PTPN4: variants seen among roughly 807,000 people sequenced by gnomAD.
PTPN4 encodes the protein tyrosine-protein phosphatase non-receptor type 4.
PTPN4 carries 49 observed loss-of-function variants against 135.5 expected under a neutral mutation model. The ratio of observed to expected loss-of-function variants is 0.36; its 90% CI spans 0.29 to 0.46. PTPN4 has a LOEUF of 0.46. Ranked by LOEUF, PTPN4 falls within the 20% of genes least tolerant of loss-of-function variation. The pLI is 1.00. For synonymous variants in PTPN4, 333 were observed against 369.9 expected (o/e 0.90, Z 1.14); for missense variants, 860 against 1,101.0 (o/e 0.78, Z 3.10).
At chr2:119,943,803 A>G (rs958814422) in intron 15 of PTPN4, among the ~76,000 whole-genome samples, 2 of 151,602 alleles carry the variant, frequency 1.3e-5, no homozygotes, top group Admixed American at 6.6e-5. Flanking sequence ...TAGCCAGGAT[A>G]GGATGGTCTC....
intron 25 of PTPN4, among the ~76,000 whole-genome samples, chr2:119,966,309 A>C (rs1017828312): frequency 3.9e-5 from 6 of 151,910 alleles, no homozygotes; most frequent in African/African-American, 1.5e-4. Context: ...CACAGGCTGG[A>C]GTGCAATGGC....
chr2:119,760,401 TCCCCGCCGGCCTCTCGGC>T lies in PTPN4; in HGVS notation c.-18+20_-18+37del, dbSNP rs1690460162. 2.6e-6 allele frequency: 1 copy of T among 387,578 alleles called. No homozygotes were observed. The highest frequency in any genetic ancestry group is 4.6e-6 in the Non-Finnish European group (1 of 219,320). The allele number at this position is 387,578 out of a possible 1,614,324, so 24.0% of individuals were successfully genotyped here. ...TATACGAAGGTAAGAGGTTCTCCGG[TCCCCGCCGGCCTCTCGGC>T]CCTGCACGTTGAACGGGAGGCTCTT... On this transcript the variant is annotated intron_variant, in intron 1 of 26. Transcript: ENST00000263708.
chr2:119,886,702 A>C (rs376840594), intron 9 of PTPN4, among the ~76,000 whole-genome samples: 2 of 152,242 alleles, frequency 1.3e-5, no homozygotes, highest in Admixed American at 6.5e-5. Flanking sequence ...ATTTTCAATC[A>C]TGTTAATACT....
chr2:119,984,890 G>A lies in PTPN4; in HGVS notation c.*7820G>A, dbSNP rs1435025488. 6.6e-6 allele frequency among the ~76,000 whole-genome samples: 1 copy of A among 152,196 alleles called. No individual in the cohort carries two copies. Among genetic ancestry groups the A allele is most frequent in the Non-Finnish European group, 1.5e-5 (1 of 68,034 alleles). On this transcript the variant is annotated 3_prime_UTR_variant, in exon 27 of 27. Transcript: ENST00000263708. ...AATTGCAAAATAAAGATGTGCTTTA[G>A]TAATCTAAAGTACAGAAGTTTTGAA...
At chr2:119,817,345 T>TA in intron 2 of PTPN4, among the ~76,000 whole-genome samples, 1 of 151,756 alleles carries the variant, frequency 6.6e-6, no homozygotes, top group African/African-American at 2.4e-5. Context: ...TTTTTTTTTT[T>TA]AATACTTTAA....
chr2:119,891,920 G>A, intron 9 of PTPN4, among the ~76,000 whole-genome samples: 1 of 152,146 alleles, frequency 6.6e-6, no homozygotes, highest in African/African-American at 2.4e-5. Flanking sequence ...ATTTGAATTT[G>A]CTTTTGTAGG....
chr2:119,881,331 A>T (rs1477191173), intron 5 of PTPN4, among the ~76,000 whole-genome samples: 1 of 152,206 alleles, frequency 6.6e-6, no homozygotes, highest in Non-Finnish European at 1.5e-5. Flanking sequence ...CCATCTGATG[A>T]TAAAATGATC....
chr2:119,932,260 G>T, intron 13 of PTPN4, 164 bp from the exon 14 acceptor site: 1 of 566,106 alleles, frequency 1.8e-6, no homozygotes, highest in Non-Finnish European at 2.9e-6. Context: ...ACATTCTTAG[G>T]AAGTTATTTG....
In PTPN4 at chr2:119,864,803, C is replaced by T. The variant is rs1049342940; in HGVS notation, c.246+2160C>T. On this transcript the variant is annotated intron_variant, in intron 3 of 26. Transcript: ENST00000263708. Reference sequence around the variant, plus strand: ...GCTAGATTGATCTTTTTGCTGTCTCCTACTTTTTCTTTCTTTGTCTTTCTG... The same window carrying T: ...GCTAGATTGATCTTTTTGCTGTCTCTTACTTTTTCTTTCTTTGTCTTTCTG... Among the ~76,000 whole-genome samples the T allele has an allele frequency of 3.9e-5, 6 of 152,094 alleles. No homozygotes were observed. In the East Asian group the frequency reaches 1.2e-3, roughly 29 times the overall value.
At chr2:119,924,555 G>A (rs897807427) in intron 12 of PTPN4, among the ~76,000 whole-genome samples, 2 of 151,968 alleles carry the variant, frequency 1.3e-5, no homozygotes, top group Non-Finnish European at 2.9e-5. Flanking sequence ...GAGAGAGAAA[G>A]AGAGAGAACT....
At chr2:119,838,115 A>C (rs1414362531) in intron 2 of PTPN4, among the ~76,000 whole-genome samples, 1 of 152,258 alleles carries the variant, frequency 6.6e-6, no homozygotes, top group Admixed American at 6.5e-5. Context: ...TTCAAAGGGA[A>C]AATGTGAACA....
At chr2:119,850,342 A>T (rs1245364179) in intron 2 of PTPN4, among the ~76,000 whole-genome samples, 1 of 152,178 alleles carries the variant, frequency 6.6e-6, no homozygotes, top group Non-Finnish European at 1.5e-5. Flanking sequence ...TTTCTGCCCT[A>T]TGAGTAAGCT....
chr2:119,773,915 T>C (rs1430063990), intron 1 of PTPN4, among the ~76,000 whole-genome samples: 4 of 152,140 alleles, frequency 2.6e-5, no homozygotes, highest in African/African-American at 9.7e-5. Flanking sequence ...TTGAGAGAAA[T>C]GTGAAAAAAC....
At chr2:119,834,379 A>G (rs901256831) in intron 2 of PTPN4, among the ~76,000 whole-genome samples, 1 of 151,820 alleles carries the variant, frequency 6.6e-6, no homozygotes, top group African/African-American at 2.4e-5. Flanking sequence ...CCCAACTTCT[A>G]TTTTTCCTTT....
At chr2:119,766,729 C>G (rs565180723) in intron 1 of PTPN4, among the ~76,000 whole-genome samples, 24 of 152,184 alleles carry the variant, frequency 1.6e-4, no homozygotes, top group East Asian at 1.9e-4. Context: ...AGCAGAGAGA[C>G]CAGATGCTGT....
At chr2:119,955,026 G>C in intron 19 of PTPN4, 131 bp from the exon 20 acceptor site, 1 of 811,596 alleles carries the variant, frequency 1.2e-6, no homozygotes, top group South Asian at 2.1e-5. Flanking sequence ...ACCAGACTCA[G>C]ATCTGGTGTA....
At chr2:119,879,528 G>A (rs1019066803) in intron 5 of PTPN4, among the ~76,000 whole-genome samples, 1 of 152,094 alleles carries the variant, frequency 6.6e-6, no homozygotes, top group African/African-American at 2.4e-5. Flanking sequence ...AATCATTTGG[G>A]GGAGCTTTAA....
At chr2:119,760,924 G>T (rs140925212) in intron 1 of PTPN4, among the ~76,000 whole-genome samples, 2 of 149,588 alleles carry the variant, frequency 1.3e-5, no homozygotes, top group East Asian at 3.9e-4. Flanking sequence ...GATGCATTTC[G>T]CAGGGTTTCC....
At chr2:119,975,648 C>G (rs1393057159) in intron 26 of PTPN4, among the ~76,000 whole-genome samples, 1 of 152,104 alleles carries the variant, frequency 6.6e-6, no homozygotes, top group South Asian at 2.1e-4. Flanking sequence ...TCTCTTGAAC[C>G]CGGGAGGAGG....
Sources: allele counts gnomAD v4.1 joint callset (sites outside exome capture counted in the v4.1 genomes callset), GRCh38; gene constraint gnomAD v4.1.1; transcripts MANE v1.5; gene names NCBI Gene and HGNC (gene_info 2026-07-23, HGNC 2026-07-21).